The following ERICH3 variants were observed in gnomAD, a reference collection of about 807,000 sequenced individuals.
ERICH3 encodes the protein glutamate rich 3, also known as glutamate-rich protein 3.
Under a neutral mutation model 131.1 loss-of-function variants are expected in ERICH3, and 126 were observed. The observed-to-expected ratio is 0.96, with a 90% confidence interval of 0.83 to 1.11. The LOEUF is 1.11. Among genes scored for constraint, ERICH3 ranks in the 50% most tolerant of loss-of-function variants. The pLI is 0.00. For synonymous variants in ERICH3, 695 were observed against 644.6 expected (o/e 1.08, Z -1.18); for missense variants, 2,050 against 1,810.7 (o/e 1.13, Z -2.40).
rs1158134867 is a variant in ERICH3 at position 74,649,277 on chromosome 1, A to C, written c.62T>G (p.Leu21Arg). 2 of 1,612,646 alleles carry C rather than the reference A, an allele frequency of 1.2e-6. No homozygotes were observed. Among genetic ancestry groups the C allele is most frequent in the Non-Finnish European group, 1.7e-6 (2 of 1,179,216 alleles). Residue 21 changes from leucine (L) to arginine (R), a missense_variant, in exon 2 of 15, where the codon CTG becomes CGG. By Grantham distance (102) the Leu-to-Arg change is moderately radical (BLOSUM62 -2). Transcript: ENST00000326665. ...CCTTGTATTGTTAAAATACCCAGCC[A>C]GGTGTTTATCCATAAGGCTATTATA... Reference protein sequence around the residue: ...AAYNSLMDKHLAGYFNNTRIR... With the variant: ...AAYNSLMDKHRAGYFNNTRIR...
At chr1:74,596,316 T>C (rs186370042) in intron 11 of ERICH3, among the ~76,000 whole-genome samples, 1 of 151,476 alleles carries the variant, frequency 6.6e-6, no homozygotes, top group African/African-American at 2.4e-5. Flanking sequence ...CTAGTTAGTC[T>C]TTTTTTTCAT....
rs777472508 is a variant in ERICH3, at chr1:74,620,909, T to G, written c.825A>C (p.Ser275=). The change falls in exon 8 of 15, where the codon TCA becomes TCC. Residue 275 remains serine, a synonymous_variant. Transcript: ENST00000326665. ...GTAAGGATGTTTTATGAATCCTTCT[T>G]GAATCCTGAAATAAACAGAAAAATG... The part of the protein sequence containing the change: ...NGLEPLLTKD[S]RRIHKTSLHS... 6.3e-7 allele frequency: 1 copy of G among 1,582,376 alleles called. No homozygotes were observed. The highest frequency in any genetic ancestry group is 8.6e-7 in the Non-Finnish European group (1 of 1,165,588).
In ERICH3 at chr1:74,571,480, C is replaced by G; in HGVS notation, c.4230G>C (p.Arg1410=). 6.2e-7 allele frequency: 1 copy of G among 1,614,152 alleles called. No individual in the cohort carries two copies. Residue 1410 remains arginine, a synonymous_variant, in exon 14 of 15, where the codon CGG becomes CGC. Coordinates refer to ENST00000326665, the MANE Select transcript of ERICH3 (RefSeq NM_001002912.5). ...AGKVVVEELA[R]SGEEVPAAEE... is the part of the protein sequence containing the mutation. ...CTGCTGCTGGCACTTCCTCCCCACT[C>G]CGTGCTAATTCCTCTACCACCACCT...
At chr1:74,654,224 T>A (rs1646562809) in intron 1 of ERICH3, among the ~76,000 whole-genome samples, 1 of 152,114 alleles carries the variant, frequency 6.6e-6, no homozygotes, top group Admixed American at 6.6e-5. Context: ...CTAGGCTTTT[T>A]CTAGCATGCA....
chr1:74,572,748 T>C lies in ERICH3; in HGVS notation c.2962A>G (p.Met988Val). Residue 988 changes from methionine (M) to valine (V), a missense_variant, in exon 14 of 15, where the codon ATG becomes GTG. Met to Val is a conservative substitution (Grantham distance 21, BLOSUM62 1). Coordinates refer to ENST00000326665, the MANE Select transcript of ERICH3 (RefSeq NM_001002912.5). ...GGGCTCAAGCGTGTTTCTGTTCTCATAACCTCTTTTCTCTCTTTGGCTGGT... is the reference window on the plus strand; with the variant it reads ...GGGCTCAAGCGTGTTTCTGTTCTCACAACCTCTTTTCTCTCTTTGGCTGGT... ...EEPAKERKEV[M>V]RTETRLSPFT... 1.2e-6 allele frequency: 2 copies of C among 1,613,908 alleles called. No homozygotes were observed. Among genetic ancestry groups the C allele is most frequent in the Non-Finnish European group, 1.7e-6 (2 of 1,179,970 alleles).
chr1:74,670,625 T>G (rs1157191352), intron 1 of ERICH3, among the ~76,000 whole-genome samples: 1 of 152,234 alleles, frequency 6.6e-6, no homozygotes, highest in Non-Finnish European at 1.5e-5. Flanking sequence ...GTACATCACG[T>G]CAGGACCACT....
At chr1:74,618,225 T>A (rs955689491) in intron 8 of ERICH3, among the ~76,000 whole-genome samples, 1 of 152,134 alleles carries the variant, frequency 6.6e-6, no homozygotes. Context: ...CAGTTTTGAG[T>A]GCTGACTGAA....
chr1:74,638,507 GAGA>G (rs756836572), intron 5 of ERICH3, among the ~76,000 whole-genome samples: 21 of 152,328 alleles, frequency 1.4e-4, no homozygotes, highest in Non-Finnish European at 2.4e-4. Context: ...TGGATAAGCA[GAGA>G]AGAAGGATAA....
chr1:74,571,930 C>CCCTT lies in ERICH3; in HGVS notation c.3776_3779dup (p.Gln1261ArgfsTer17). 1 of 1,613,342 alleles carries CCCTT rather than the reference C, an allele frequency of 6.2e-7. No individual in the cohort carries two copies. Among genetic ancestry groups the CCCTT allele is most frequent in the Non-Finnish European group, 8.5e-7 (1 of 1,180,030 alleles). ...TTAGCACGACATCCACTCCTCCTTGCCCTTCAGCTCTCCCCTCCAGTCCTG... is the reference window on the plus strand; with the variant it reads ...TTAGCACGACATCCACTCCTCCTTGCCCTTCCTTCAGCTCTCCCCTCCAGTCCTG... On this transcript the variant is annotated frameshift_variant, in exon 14 of 15. Coordinates refer to ENST00000326665, the MANE Select transcript of ERICH3 (RefSeq NM_001002912.5). LOFTEE classifies it high-confidence loss of function.
chr1:74,615,781 C>A (rs1648928637), intron 8 of ERICH3, among the ~76,000 whole-genome samples: 1 of 152,180 alleles, frequency 6.6e-6, no homozygotes, highest in Non-Finnish European at 1.5e-5. Context: ...ACATCTGCTA[C>A]CGCCTTATCA....
chr1:74,589,480 T>A (rs544239700), intron 12 of ERICH3, 151 bp downstream of exon 12: 2 of 738,432 alleles, frequency 2.7e-6, no homozygotes, highest in African/African-American at 3.5e-5. Context: ...AATACATGTA[T>A]GATTATGTGA....
intron 1 of ERICH3, among the ~76,000 whole-genome samples, chr1:74,664,076 G>A (rs1424838689): frequency 1.3e-5 from 2 of 151,908 alleles, no homozygotes; most frequent in African/African-American, 2.4e-5. Context: ...GGTACTTGTT[G>A]GTATAACTTT....
At chr1:74,635,274 C>A (rs1334033187) in intron 6 of ERICH3, among the ~76,000 whole-genome samples, 1 of 152,072 alleles carries the variant, frequency 6.6e-6, no homozygotes, top group Non-Finnish European at 1.5e-5. Flanking sequence ...GAAGCACCAC[C>A]ACTTTTGGAT....
At chr1:74,602,370 C>A (rs1019376706) in intron 10 of ERICH3, among the ~76,000 whole-genome samples, 1 of 151,902 alleles carries the variant, frequency 6.6e-6, no homozygotes, top group Admixed American at 6.6e-5. Flanking sequence ...GTTTTTGATA[C>A]GAATAAGCCA....
intron 5 of ERICH3, among the ~76,000 whole-genome samples, chr1:74,637,498 C>T (rs1486845062): frequency 6.6e-6 from 1 of 152,156 alleles, no homozygotes; most frequent in Non-Finnish European, 1.5e-5. Flanking sequence ...ATCTGTCTAC[C>T]TCCTGCTGAG....
upstream of ERICH3, among the ~76,000 whole-genome samples, chr1:74,674,182 C>A (rs1646766721): frequency 6.6e-6 from 1 of 152,196 alleles, no homozygotes; most frequent in Non-Finnish European, 1.5e-5. Context: ...GACTCATTTT[C>A]TCCTTGGAAA....
chr1:74,673,545 G>T lies in ERICH3; in HGVS notation c.-26C>A. ...TTTTGCAGGATCCCTTTTGGACCCC[G>T]CGGCAGGTGCGGAGGGTGGGTGCGT... On this transcript the variant is annotated 5_prime_UTR_variant, in exon 1 of 15. Transcript: ENST00000326665. 1 of 1,609,878 alleles carries T rather than the reference G, an allele frequency of 6.2e-7. No homozygotes were observed. Among genetic ancestry groups the T allele is most frequent in the Non-Finnish European group, 8.5e-7 (1 of 1,178,408 alleles).
chr1:74,632,900 T>C lies in ERICH3; in HGVS notation c.604-972A>G, dbSNP rs1024433748. Among the ~76,000 whole-genome samples, 3 of 151,870 alleles carry C rather than the reference T, an allele frequency of 2.0e-5. No homozygotes were observed. The East Asian group carries it at 5.8e-4, about 29-fold the overall frequency. On this transcript the variant is annotated intron_variant, in intron 6 of 14. Transcript: ENST00000326665. Reference sequence around the variant, plus strand: ...TTTAATCATTAAAAAACACCAAAGGTATAGTCAATAATTACATTTGTCAGG... The same window carrying C: ...TTTAATCATTAAAAAACACCAAAGGCATAGTCAATAATTACATTTGTCAGG...
At chr1:74,579,890 C>T (rs1647145735) in intron 12 of ERICH3, 2 of 983,758 alleles carry the variant, frequency 2.0e-6, no homozygotes, top group Non-Finnish European at 2.4e-6. Flanking sequence ...TTGTCACACA[C>T]AGAAAATTTC....
Sources: allele counts gnomAD v4.1 joint callset (sites outside exome capture counted in the v4.1 genomes callset), GRCh38; gene constraint gnomAD v4.1.1; transcripts MANE v1.5; gene names NCBI Gene and HGNC (gene_info 2026-07-23, HGNC 2026-07-21).